Variants in PCCB observed in about 807,000 individuals in gnomAD.
PCCB encodes the protein propionyl-CoA carboxylase subunit beta, also known as propionyl-CoA carboxylase beta chain, mitochondrial.
In PCCB, 43 loss-of-function variants were observed where a neutral mutation model predicts 60.7. The observed-to-expected ratio is 0.71, with a 90% confidence interval of 0.55 to 0.91. PCCB has a LOEUF of 0.91. Ranked by LOEUF, PCCB falls within the 40% of genes least tolerant of loss-of-function variation. The pLI, the probability that PCCB is intolerant of heterozygous loss-of-function variation, is 0.00. For synonymous variants in PCCB, 276 were observed against 255.9 expected, an observed-to-expected ratio of 1.08 and a Z score of -0.75; for missense variants, 766 against 702.8, an observed-to-expected ratio of 1.09 and a Z score of -1.02.
intron 6 of PCCB, among the ~76,000 whole-genome samples, chr3:136,292,775 A>T (rs1576334086): frequency 6.6e-6 from 1 of 152,098 alleles, no homozygotes; most frequent in Non-Finnish European, 1.5e-5. Context: ...AAAGAGGGCA[A>T]ATATATATAT....
chr3:136,317,246 C>T (rs1199281075), intron 10 of PCCB, among the ~76,000 whole-genome samples, 182 bp downstream of exon 10: 1 of 42,494 alleles, frequency 2.4e-5, no homozygotes, highest in Non-Finnish European at 5.0e-5. Context: ...TTTTTTTAGA[C>T]AGGGTCTTAC....
intron 1 of PCCB, among the ~76,000 whole-genome samples, chr3:136,253,664 ATTTT>A (rs35923895): frequency 3.2e-5 from 4 of 123,442 alleles, no homozygotes; most frequent in African/African-American, 6.1e-5. Context: ...GGATGACAGA[ATTTT>A]TTTTTTTTTT....
chr3:136,254,402 A>G (rs1002788080), intron 1 of PCCB, among the ~76,000 whole-genome samples: 24 of 146,372 alleles, frequency 1.6e-4, no homozygotes, highest in African/African-American at 5.8e-4. Flanking sequence ...TTGTATTTTT[A>G]GTAGAGATAG....
intron 6 of PCCB, among the ~76,000 whole-genome samples, chr3:136,284,613 A>G (rs951639792): frequency 6.6e-6 from 1 of 152,160 alleles, no homozygotes; most frequent in Non-Finnish European, 1.5e-5. Context: ...TAGCCATCCA[A>G]CTTGAGGAGA....
chr3:136,299,895 C>G (rs1009650259), intron 8 of PCCB, among the ~76,000 whole-genome samples: 1 of 151,408 alleles, frequency 6.6e-6, no homozygotes, highest in African/African-American at 2.4e-5. Flanking sequence ...TACGTATATG[C>G]GTACATATGT....
chr3:136,260,648 A>T, intron 4 of PCCB, 113 bp downstream of exon 4: 2 of 889,156 alleles, frequency 2.2e-6, no homozygotes, highest in Non-Finnish European at 3.7e-6. Flanking sequence ...GGGCAGAGGT[A>T]TGCAAGATGT....
At chr3:136,288,368 C>G (rs887990435) in intron 6 of PCCB, among the ~76,000 whole-genome samples, 1 of 151,814 alleles carries the variant, frequency 6.6e-6, no homozygotes, top group Admixed American at 6.6e-5. Flanking sequence ...TTTTTTGAGA[C>G]GGAGTCTCCC....
chr3:136,318,386 A>C lies in PCCB; in HGVS notation c.1090+1322A>C, dbSNP rs187335706. 3.2e-3 allele frequency among the ~76,000 whole-genome samples: 486 copies of C among 151,992 alleles called. 14 individuals are homozygous for C. Among genetic ancestry groups the C allele is most frequent in the Admixed American group, 0.026 (404 of 15,264 alleles). ...GAGTGACACTGTCCCCACCTCCCCA[A>C]AAAAAAAATTTTGTCATGGTAAAAT... On this transcript the variant is annotated intron_variant, in intron 10 of 14. Transcript: ENST00000251654.
intron 7 of PCCB, among the ~76,000 whole-genome samples, chr3:136,294,306 A>G (rs1576335233): frequency 6.6e-6 from 1 of 151,932 alleles, no homozygotes; most frequent in East Asian, 1.9e-4. Flanking sequence ...GAATTTGGTC[A>G]TAGTTGTTAA....
rs1326172222 is a variant in PCCB at position 136,261,283 on chromosome 3, T to C, written c.430-669T>C. 3.9e-5 allele frequency among the ~76,000 whole-genome samples: 6 copies of C among 152,326 alleles called. No individual in the cohort carries two copies. The East Asian group carries it at 1.2e-3, about 29-fold the overall frequency. The stretch of plus-strand genomic sequence containing the variant: ...AGAATTTTGGAATTAAAGTTGGAGC[T>C]ACTAGTAACTGGAACATCTGGATTA... On this transcript the variant is annotated intron_variant, in intron 4 of 14. Coordinates refer to ENST00000251654, the MANE Select transcript of PCCB (RefSeq NM_000532.5).
chr3:136,259,827 A>G (rs1376300443), intron 3 of PCCB, among the ~76,000 whole-genome samples: 1 of 152,062 alleles, frequency 6.6e-6, no homozygotes, highest in Non-Finnish European at 1.5e-5. Context: ...ATCTCTGCCC[A>G]CTGCAGCCTC....
At chr3:136,260,598 A>T in intron 4 of PCCB, 63 bp downstream of exon 4, 1 of 1,347,160 alleles carries the variant, frequency 7.4e-7, no homozygotes, top group South Asian at 1.2e-5. Flanking sequence ...CTTATTGAGT[A>T]TCTTTGGGGT....
chr3:136,293,887 T>A (rs1933816373), intron 7 of PCCB, 23 bp downstream of exon 7: 1 of 1,367,148 alleles, frequency 7.3e-7, no homozygotes, highest in Non-Finnish European at 1.0e-6. Flanking sequence ...GAAGATGACC[T>A]TGTTGTTTTC....
Position 136,261,985 on chromosome 3 carries a change from G to T in PCCB, c.463G>T (p.Val155Leu). Residue 155 changes from valine (V) to leucine (L), a missense_variant, in exon 5 of 15, where the codon GTG becomes TTG. Transcript: ENST00000251654. Reference protein sequence around the residue: ...MDQAITVGAPVIGLNDSGGAR... With the variant: ...MDQAITVGAPLIGLNDSGGAR... ...CCAGGCCATAACGGTGGGGGCTCCA[G>T]TGATTGGGCTGAATGACTCTGGGGG... The T allele has an allele frequency of 1.3e-6, 2 of 1,561,594 alleles. No individual in the cohort carries two copies. Among genetic ancestry groups the T allele is most frequent in the Non-Finnish European group, 1.7e-6 (2 of 1,151,666 alleles).
At chr3:136,276,185 T>G (rs538741823) in intron 5 of PCCB, among the ~76,000 whole-genome samples, 80 of 152,334 alleles carry the variant, frequency 5.3e-4, no homozygotes, top group African/African-American at 1.8e-3. Context: ...GCTTTTTTAT[T>G]TATTTAATTT....
intron 7 of PCCB, among the ~76,000 whole-genome samples, chr3:136,296,218 C>T (rs1193447881): frequency 6.6e-6 from 1 of 152,204 alleles, no homozygotes; most frequent in Non-Finnish European, 1.5e-5. Flanking sequence ...ACATTGTCAT[C>T]ACCCCAAGAA....
chr3:136,265,437 A>G (rs1175452168), intron 5 of PCCB, among the ~76,000 whole-genome samples: 1 of 152,194 alleles, frequency 6.6e-6, no homozygotes, highest in Non-Finnish European at 1.5e-5. Flanking sequence ...CCTTTCACTA[A>G]GCACCATGTT....
chr3:136,318,375 C>T (rs1356100792), intron 10 of PCCB, among the ~76,000 whole-genome samples: 1 of 151,888 alleles, frequency 6.6e-6, no homozygotes, highest in Non-Finnish European at 1.5e-5. Context: ...GACACTGTCC[C>T]CACCTCCCCA....
In PCCB at chr3:136,250,438, C is replaced by T; in HGVS notation, c.63C>T (p.Leu21=). The change falls in exon 1 of 15, where the codon CTC becomes CTT. Residue 21 remains leucine (L), a synonymous_variant. Transcript: ENST00000251654. ...GARLSVLASG[L]RAAVRSLCSQ... ...GGCTCAGCGTTCTGGCGAGCGGTCT[C>T]CGCGCCGCGGTCCGCAGCCTTTGCA... 6.3e-7 allele frequency: 1 copy of T among 1,598,122 alleles called. No homozygotes were observed. The highest frequency in any genetic ancestry group is 8.5e-7 in the Non-Finnish European group (1 of 1,172,604).
Sources: allele counts gnomAD v4.1 joint callset (sites outside exome capture counted in the v4.1 genomes callset), GRCh38; gene constraint gnomAD v4.1.1; transcripts MANE v1.5; gene names NCBI Gene and HGNC (gene_info 2026-07-23, HGNC 2026-07-21).